The following PYROXD1 variants were observed in gnomAD, a reference collection of about 807,000 sequenced individuals.
PYROXD1 encodes the protein tRNA ligase complex-associated NAD(P)H dehydrogenase PYROXD1.
PYROXD1 carries 42 observed loss-of-function variants against 62.0 expected under a neutral mutation model. The ratio of observed to expected loss-of-function variants is 0.68; its 90% CI spans 0.53 to 0.88. The LOEUF (loss-of-function observed/expected upper bound fraction) is 0.88, where lower values mean the gene tolerates loss of function less well. Among genes scored for constraint, PYROXD1 ranks in the 40% least tolerant of loss-of-function variants. The pLI, the probability that PYROXD1 is intolerant of heterozygous loss-of-function variation, is 0.00. For synonymous variants in PYROXD1, 170 were observed against 206.4 expected (o/e 0.82, Z 1.51); for missense variants, 493 against 604.8 (o/e 0.82, Z 1.94).
intron 3 of PYROXD1, among the ~76,000 whole-genome samples, chr12:21,446,145 C>T (rs1942382544): frequency 6.6e-6 from 1 of 152,156 alleles, no homozygotes; most frequent in Non-Finnish European, 1.5e-5. Flanking sequence ...TGAGTTTGGG[C>T]CGGTGCGTTG....
In PYROXD1 at chr12:21,471,230, A is replaced by C; in HGVS notation, c.*2476A>C. ...GAAATAATAAAATTTACAAGAATGC[A>C]AATAAAGCCTTTAAAGAAAATATTT... is the stretch of plus-strand genomic sequence containing the variant. On this transcript the variant is annotated 3_prime_UTR_variant, in exon 12 of 12. Transcript: ENST00000240651. The C allele has an allele frequency of 1.9e-6, 2 of 1,060,354 alleles. No homozygotes were observed. The highest frequency in any genetic ancestry group is 1.3e-6 in the Non-Finnish European group (1 of 752,832). The allele number at this position is 1,060,354 out of a possible 1,614,324, so 65.7% of individuals were successfully genotyped here. A position where few individuals can be genotyped will look rare whatever the true frequency, so the allele number is the denominator to read the frequency against.
intron 8 of PYROXD1, among the ~76,000 whole-genome samples, 163 bp downstream of exon 8, chr12:21,461,317 T>A (rs967690212): frequency 1.3e-5 from 2 of 150,970 alleles, no homozygotes; most frequent in East Asian, 3.8e-4. Flanking sequence ...TCACTTCATT[T>A]CACTGTCTGT....
Position 21,440,496 on chromosome 12 carries a change from A to G in PYROXD1, c.165+48A>G, listed in dbSNP as rs1046223427. ...TTAATATTAATTTGAAAAAATTGCA[A>G]TAACTTGCATAGCAGTTAGGGTAAT... is the stretch of plus-strand genomic sequence containing the variant. On this transcript the variant is annotated intron_variant, in intron 2 of 11. Transcript: ENST00000240651. 9 of 1,016,244 alleles carry G rather than the reference A, an allele frequency of 8.9e-6. 1 individual carries two copies. Among genetic ancestry groups the G allele is most frequent in the South Asian group, 4.3e-5 (3 of 69,920 alleles). The allele number at this position is 1,016,244 out of a possible 1,614,324, so 63.0% of individuals were successfully genotyped here. A position where few individuals can be genotyped will look rare whatever the true frequency, so the allele number is the denominator to read the frequency against.
chr12:21,461,840 T>C (rs546044886), intron 8 of PYROXD1, among the ~76,000 whole-genome samples, 168 bp from the exon 9 acceptor site: 2 of 152,354 alleles, frequency 1.3e-5, no homozygotes, highest in South Asian at 2.1e-4. Context: ...TGCATTAAAA[T>C]TGCTTTAGCA....
intron 2 of PYROXD1, among the ~76,000 whole-genome samples, chr12:21,442,699 T>C (rs11608682): frequency 0.49 from 74,908 of 152,062 alleles, 18,526 homozygotes; most frequent in Middle Eastern, 0.59. Flanking sequence ...GGAGACAAGA[T>C]ATGCCGCCAT....
At position 21,462,873 on chromosome 12, in the gene PYROXD1, A is replaced by G; in HGVS notation, c.1116+11A>G. The G allele has an allele frequency of 6.2e-7, 1 of 1,607,770 alleles. No individual in the cohort carries two copies. The highest frequency in any genetic ancestry group is 2.2e-5 in the East Asian group (1 of 44,798). On this transcript the variant is annotated intron_variant, in intron 10 of 11. Transcript: ENST00000240651. ...CCAGTCTGGCAGCAGGTAAGCTAGC[A>G]TATATAATTATATGTTTTCATCAGA...
At chr12:21,447,009 G>A (rs1227475903) in intron 3 of PYROXD1, among the ~76,000 whole-genome samples, 1 of 152,184 alleles carries the variant, frequency 6.6e-6, no homozygotes. Flanking sequence ...AAATATCCCA[G>A]ATTTGAGTGA....
chr12:21,439,211 T>G (rs1487900346), intron 1 of PYROXD1, among the ~76,000 whole-genome samples: 1 of 152,154 alleles, frequency 6.6e-6, no homozygotes, highest in Non-Finnish European at 1.5e-5. Flanking sequence ...GTCAAATGTT[T>G]TTGAGCAGTG....
chr12:21,470,384 T>C lies in PYROXD1; in HGVS notation c.*1630T>C. Reference sequence around the variant, plus strand: ...AAAAAAAACAAAGCAAGCACCTTGGTAAAAATCCAGCTATTCAGTTTTCTC... The same window carrying C: ...AAAAAAAACAAAGCAAGCACCTTGGCAAAAATCCAGCTATTCAGTTTTCTC... On this transcript the variant is annotated 3_prime_UTR_variant, in exon 12 of 12. Coordinates refer to ENST00000240651, the MANE Select transcript of PYROXD1 (RefSeq NM_024854.5). The C allele has an allele frequency of 6.7e-7, 1 of 1,502,696 alleles. No homozygotes were observed. Among genetic ancestry groups the C allele is most frequent in the Non-Finnish European group, 8.9e-7 (1 of 1,129,492 alleles). The allele number at this position is 1,502,696 out of a possible 1,614,324, so 93.1% of individuals were successfully genotyped here.
intron 2 of PYROXD1, among the ~76,000 whole-genome samples, chr12:21,442,513 A>G (rs1305554584): frequency 6.6e-6 from 1 of 152,142 alleles, no homozygotes; most frequent in Non-Finnish European, 1.5e-5. Flanking sequence ...AAACTAGCTT[A>G]CTATGGTGAT....
intron 3 of PYROXD1, chr12:21,448,055 T>A: frequency 1.8e-6 from 1 of 549,756 alleles, no homozygotes; most frequent in Non-Finnish European, 3.5e-6. Context: ...CCTCATTGGT[T>A]TCATTCTCAG....
At chr12:21,467,649 CTGCT>C in intron 11 of PYROXD1, 31 bp downstream of exon 11, 1 of 1,532,076 alleles carries the variant, frequency 6.5e-7, no homozygotes, top group Non-Finnish European at 9.0e-7. Flanking sequence ...AATGCCTTCT[CTGCT>C]TGTTAGTCTT....
At chr12:21,452,011 C>T (rs918567431) in intron 4 of PYROXD1, 70 bp from the exon 5 acceptor site, 2 of 883,156 alleles carry the variant, frequency 2.3e-6, no homozygotes, top group Non-Finnish European at 1.8e-6. Context: ...AGAATATTAT[C>T]GAAGCCTCAT....
In PYROXD1 at chr12:21,462,138, T is replaced by C; in HGVS notation, c.993+18T>C. The C allele has an allele frequency of 7.0e-7, 1 of 1,419,858 alleles. No individual in the cohort carries two copies. Among genetic ancestry groups the C allele is most frequent in the Non-Finnish European group, 9.9e-7 (1 of 1,008,874 alleles). 88.0% of individuals were successfully genotyped at this position (1,419,858 alleles called of 1,614,324 possible). ...GTAACAGTGTAAGGTGAAATTTTTT[T>C]GTCCAGCTGTGAATATATTTGAAGT... On this transcript the variant is annotated intron_variant, in intron 9 of 11. Coordinates refer to ENST00000240651, the MANE Select transcript of PYROXD1 (RefSeq NM_024854.5).
chr12:21,461,167 A>G lies in PYROXD1; in HGVS notation c.880+13A>G, dbSNP rs752679047. On this transcript the variant is annotated intron_variant, in intron 8 of 11. Transcript: ENST00000240651. ...ACAGCTGATACAGGCAAGTAATGAA[A>G]TAAGAAAAAATATATATAACCACTT... 1.4e-6 allele frequency: 2 copies of G among 1,468,754 alleles called. No individual in the cohort carries two copies. Among genetic ancestry groups the G allele is most frequent in the Non-Finnish European group, 1.8e-6 (2 of 1,100,076 alleles). The allele number at this position is 1,468,754 out of a possible 1,614,324, so 91.0% of individuals were successfully genotyped here.
intron 10 of PYROXD1, among the ~76,000 whole-genome samples, chr12:21,464,706 G>A (rs1026267293): frequency 3.6e-5 from 5 of 139,248 alleles, no homozygotes; most frequent in Admixed American, 7.7e-5. Context: ...AAAATCCACT[G>A]TGACTCCCAA....
At chr12:21,442,119 T>C (rs1469660955) in intron 2 of PYROXD1, among the ~76,000 whole-genome samples, 1 of 152,186 alleles carries the variant, frequency 6.6e-6, no homozygotes, top group East Asian at 1.9e-4. Context: ...ACAAAGGAAG[T>C]TGTGGCTTAG....
chr12:21,471,031 G>A lies in PYROXD1; in HGVS notation c.*2277G>A. The A allele has an allele frequency of 6.2e-7, 1 of 1,601,376 alleles. No homozygotes were observed. Among genetic ancestry groups the A allele is most frequent in the South Asian group, 1.1e-5 (1 of 89,376 alleles). On this transcript the variant is annotated 3_prime_UTR_variant, in exon 12 of 12. Coordinates refer to ENST00000240651, the MANE Select transcript of PYROXD1 (RefSeq NM_024854.5). ...GTAATAGCATGTGCCTCATTGTTCA[G>A]AAGATTAGCTTTAGGTCCTATTTTC...
intron 3 of PYROXD1, among the ~76,000 whole-genome samples, chr12:21,447,116 C>A (rs141854898): frequency 0.013 from 1,965 of 152,126 alleles, 15 homozygotes; most frequent in Non-Finnish European, 0.021. Flanking sequence ...TTTACAGTAT[C>A]CTCAGATGAG....
Sources: gnomAD v4.1 joint callset for allele counts (sites outside exome capture counted in the v4.1 genomes callset) on GRCh38, gnomAD v4.1.1 for gene constraint, MANE v1.5 for transcripts, NCBI Gene and HGNC (gene_info 2026-07-23, HGNC 2026-07-21) for gene names.